Variants in RBMS3 observed in about 807,000 individuals in gnomAD.
The protein encoded by RBMS3 is RNA-binding motif, single-stranded-interacting protein 3.
RBMS3 carries 27 observed loss-of-function variants against 66.8 expected under a neutral mutation model. The observed-to-expected ratio is 0.40, with a 90% CI of 0.30 to 0.56. The LOEUF (loss-of-function observed/expected upper bound fraction) is 0.56. Among genes scored for constraint, RBMS3 ranks in the 20% least tolerant of loss-of-function variants. The probability of loss-of-function intolerance (pLI) is 0.40; values close to 1 mark genes in which losing one functional copy is unlikely to be tolerated. For missense variants in RBMS3, 513 were observed against 549.5 expected (o/e 0.93, Z 0.66); for synonymous variants, 188 against 183.0 (o/e 1.03, Z -0.22).
At chr3:29,695,814 A>C (rs879929056) in intron 4 of RBMS3, among the ~76,000 whole-genome samples, 2 of 152,236 alleles carry the variant, frequency 1.3e-5, no homozygotes, top group Admixed American at 1.3e-4. Context: ...AGTTTCACAA[A>C]CAATCCCAAG....
rs1171060978 is a variant in RBMS3, at chr3:30,010,041, TA to T, written c.*6180del. 6.6e-6 allele frequency: 1 copy of T among 151,736 alleles called. No individual in the cohort carries two copies. The highest frequency in any genetic ancestry group is 1.5e-5 in the Non-Finnish European group (1 of 67,966). The allele number at this position is 151,736 out of a possible 1,614,324, so 9.4% of individuals were successfully genotyped here. A position where few individuals can be genotyped will look rare whatever the true frequency, so the allele number is the denominator to read the frequency against. On this transcript the variant is annotated 3_prime_UTR_variant, in exon 15 of 15. Transcript: ENST00000383767. ...GAATCTTAATTTAAAAAAATATATGTAGTAGTATCTGCTATGAGATATTCAG... is the reference window on the plus strand; with the variant it reads ...GAATCTTAATTTAAAAAAATATATGTGTAGTATCTGCTATGAGATATTCAG...
At chr3:29,892,796 G>T (rs2060031797) in intron 8 of RBMS3, among the ~76,000 whole-genome samples, 1 of 137,456 alleles carries the variant, frequency 7.3e-6, no homozygotes. Context: ...TGACATCTCT[G>T]CTTGAAGTAT....
intron 12 of RBMS3, among the ~76,000 whole-genome samples, chr3:29,946,606 A>G (rs1317566064): frequency 6.6e-6 from 1 of 151,618 alleles, no homozygotes; most frequent in Non-Finnish European, 1.5e-5. Flanking sequence ...TGAAATGCAT[A>G]AAGTATAGAG....
intron 6 of RBMS3, among the ~76,000 whole-genome samples, chr3:29,866,129 A>T (rs980806205): frequency 4.7e-5 from 7 of 150,418 alleles, no homozygotes; most frequent in Non-Finnish European, 7.4e-5. Flanking sequence ...TTCCTTGGTT[A>T]AAAAAAGACT....
At chr3:29,534,080 T>C (rs932035932) in intron 3 of RBMS3, among the ~76,000 whole-genome samples, 1 of 152,210 alleles carries the variant, frequency 6.6e-6, no homozygotes, top group African/African-American at 2.4e-5. Context: ...CCTTGTAACT[T>C]CATGAGTAAA....
chr3:29,817,833 A>G (rs1220330319), intron 6 of RBMS3, among the ~76,000 whole-genome samples: 1 of 152,034 alleles, frequency 6.6e-6, no homozygotes, highest in African/African-American at 2.4e-5. Context: ...AAGCAGAAGG[A>G]GCCATTGTAG....
At position 30,007,999 on chromosome 3, in the gene RBMS3, A is replaced by G. The variant is rs186830515; in HGVS notation, c.*4137A>G. On this transcript the variant is annotated 3_prime_UTR_variant, in exon 15 of 15. Coordinates refer to ENST00000383767, the MANE Select transcript of RBMS3 (RefSeq NM_001003793.3). ...AATTTCACTTTATTTTACTATGCCT[A>G]AAAATACATCTTTGGACCCCTTGCA... 14 of 152,206 alleles carry G rather than the reference A, an allele frequency of 9.2e-5. No homozygotes were observed. In the East Asian group the frequency reaches 1.7e-3, roughly 19 times the overall value. The allele number at this position is 152,206 out of a possible 1,614,324, so 9.4% of individuals were successfully genotyped here. A position where few individuals can be genotyped will look rare whatever the true frequency, so the allele number is the denominator to read the frequency against.
At position 29,282,829 on chromosome 3, in the gene RBMS3, G is replaced by T. The variant is rs113554012; in HGVS notation, c.75+1073G>T. On this transcript the variant is annotated intron_variant, in intron 1 of 14. Transcript: ENST00000383767. ...TGATTAGGGTTAGGTAATTCATGCT[G>T]TAGTTATCTGTCATTTATTTTGTCT... 1.2e-4 allele frequency among the ~76,000 whole-genome samples: 19 copies of T among 152,238 alleles called. 1 individual carries two copies. The highest frequency in any genetic ancestry group is 4.6e-4 in the African/African-American group (19 of 41,546).
intron 6 of RBMS3, among the ~76,000 whole-genome samples, chr3:29,848,956 T>C (rs2058858483): frequency 6.6e-6 from 1 of 152,184 alleles, no homozygotes; most frequent in African/African-American, 2.4e-5. Flanking sequence ...TGAAGTGCAA[T>C]TGGAATCATT....
At chr3:29,879,016 G>C (rs1329404182) in intron 7 of RBMS3, among the ~76,000 whole-genome samples, 1 of 152,012 alleles carries the variant, frequency 6.6e-6, no homozygotes, top group Admixed American at 6.6e-5. Context: ...TCCAACCTGG[G>C]CAACAGAGTG....
At chr3:29,895,770 G>A (rs1438752597) in intron 8 of RBMS3, among the ~76,000 whole-genome samples, 1 of 151,406 alleles carries the variant, frequency 6.6e-6, no homozygotes, top group Non-Finnish European at 1.5e-5. Flanking sequence ...TGGGCCATAG[G>A]GAAAGTGTAT....
chr3:29,305,665 G>A (rs986862220), intron 1 of RBMS3, among the ~76,000 whole-genome samples: 8 of 151,952 alleles, frequency 5.3e-5, no homozygotes, highest in Non-Finnish European at 4.4e-5. Flanking sequence ...CCACAATTTT[G>A]GGATTTTCCT....
intron 4 of RBMS3, among the ~76,000 whole-genome samples, chr3:29,605,158 C>A (rs186220291): frequency 1.4e-4 from 21 of 151,576 alleles, no homozygotes; most frequent in Non-Finnish European, 2.9e-5. Context: ...GCTTTTCCTC[C>A]TTTGAAATAC....
intron 2 of RBMS3, among the ~76,000 whole-genome samples, chr3:29,457,482 G>A (rs1003898294): frequency 6.6e-6 from 1 of 152,162 alleles, no homozygotes; most frequent in African/African-American, 2.4e-5. Context: ...AGCACTTTGG[G>A]AGGCCGAGGC....
At chr3:29,710,877 G>A (rs2053133493) in intron 4 of RBMS3, among the ~76,000 whole-genome samples, 1 of 152,112 alleles carries the variant, frequency 6.6e-6, no homozygotes, top group Non-Finnish European at 1.5e-5. Flanking sequence ...GAAATTTTCA[G>A]TATAAATAAT....
intron 4 of RBMS3, among the ~76,000 whole-genome samples, chr3:29,707,852 C>G (rs1029039001): frequency 4.6e-5 from 7 of 152,190 alleles, no homozygotes; most frequent in African/African-American, 1.7e-4. Context: ...TTTTAGAAAG[C>G]CTACAAAATA....
chr3:29,531,404 A>G, intron 3 of RBMS3, among the ~76,000 whole-genome samples: 1 of 152,200 alleles, frequency 6.6e-6, no homozygotes, highest in Non-Finnish European at 1.5e-5. Context: ...ATTTCTGTTT[A>G]TTTCAACTAA....
chr3:29,303,896 T>A (rs767059451), intron 1 of RBMS3, among the ~76,000 whole-genome samples: 4 of 151,966 alleles, frequency 2.6e-5, no homozygotes, highest in East Asian at 1.9e-4. Context: ...AGGCACTTCT[T>A]ACATGGCGGT....
intron 10 of RBMS3, among the ~76,000 whole-genome samples, chr3:29,935,119 C>T (rs1292428483): frequency 6.6e-6 from 1 of 152,048 alleles, no homozygotes; most frequent in African/African-American, 2.4e-5. Context: ...TATATACTCT[C>T]AAAGATTCCA....
Sources: gnomAD v4.1 joint callset for allele counts (sites outside exome capture counted in the v4.1 genomes callset) on GRCh38, gnomAD v4.1.1 for gene constraint, MANE v1.5 for transcripts, NCBI Gene and HGNC (gene_info 2026-07-23, HGNC 2026-07-21) for gene names.